The following TLN2 variants were observed in gnomAD, a reference collection of about 807,000 sequenced individuals.
TLN2 encodes the protein talin 2, also known as talin-2.
Under a neutral mutation model 294.7 loss-of-function variants are expected in TLN2, and 118 were observed. The observed-to-expected ratio is 0.40, with a 90% CI of 0.34 to 0.47. The LOEUF (loss-of-function observed/expected upper bound fraction) is 0.47. TLN2 is among the 20% of genes least tolerant of loss of function. The pLI is 0.84. For synonymous variants in TLN2, 1,431 were observed against 1,304.5 expected, an observed-to-expected ratio of 1.10 and a Z score of -2.09; for missense variants, 3,083 against 3,282.2, an observed-to-expected ratio of 0.94 and a Z score of 1.48.
chr15:62,683,485 A>T (rs2141033235), intron 11 of TLN2, among the ~76,000 whole-genome samples: 1 of 135,868 alleles, frequency 7.4e-6, no homozygotes, highest in African/African-American at 2.8e-5. Flanking sequence ...CATTGGTAGA[A>T]TGCCTGCATT....
chr15:62,686,620 T>C (rs1596717901), intron 11 of TLN2, 21 bp from the exon 12 acceptor site: 5 of 1,603,358 alleles, frequency 3.1e-6, no homozygotes, highest in Non-Finnish European at 4.3e-6. Context: ...GAGCACTGAC[T>C]CTTGGTATCT....
At chr15:62,601,156 C>G (rs1376487141) in intron 2 of TLN2, among the ~76,000 whole-genome samples, 1 of 152,184 alleles carries the variant, frequency 6.6e-6, no homozygotes, top group Non-Finnish European at 1.5e-5. Context: ...ATTTTCCTTT[C>G]CAGTCTTGGG....
chr15:62,640,349 T>A (rs190376418), intron 3 of TLN2: 2 of 456,820 alleles, frequency 4.4e-6, no homozygotes, highest in Non-Finnish European at 8.8e-6. Context: ...GAGGTCACGG[T>A]GGAGAGTGAG....
At chr15:62,726,023 AC>A (rs1197213238) in intron 27 of TLN2, among the ~76,000 whole-genome samples, 1 of 152,192 alleles carries the variant, frequency 6.6e-6, no homozygotes, top group Non-Finnish European at 1.5e-5. Flanking sequence ...AAGTCACTTA[AC>A]TGAGGTCACC....
chr15:62,613,099 AATTT>A (rs2140829798), intron 2 of TLN2, among the ~76,000 whole-genome samples: 1 of 152,288 alleles, frequency 6.6e-6, no homozygotes, highest in African/African-American at 2.4e-5. Flanking sequence ...GACCATGGGT[AATTT>A]ATTTGTCCTC....
intron 11 of TLN2, among the ~76,000 whole-genome samples, chr15:62,675,756 G>A (rs1567324095): frequency 6.6e-6 from 1 of 152,096 alleles, no homozygotes; most frequent in Non-Finnish European, 1.5e-5. Flanking sequence ...GGGATTTTAC[G>A]GCCTTCAGAT....
At chr15:62,564,073 TACTG>T (rs1281360267) in intron 1 of TLN2, among the ~76,000 whole-genome samples, 2 of 152,186 alleles carry the variant, frequency 1.3e-5, no homozygotes, top group Non-Finnish European at 1.5e-5. Context: ...TTTAAAAACT[TACTG>T]GTGGTGTTTT....
At chr15:62,411,150 C>T (rs1050327896) in intron 1 of TLN2, among the ~76,000 whole-genome samples, 4 of 152,054 alleles carry the variant, frequency 2.6e-5, no homozygotes, top group Admixed American at 1.3e-4. Flanking sequence ...ATGTGTGGAC[C>T]GAGGCATTAA....
intron 32 of TLN2, among the ~76,000 whole-genome samples, chr15:62,744,109 G>A (rs2061481010): frequency 1.3e-5 from 2 of 152,176 alleles, no homozygotes; most frequent in Admixed American, 6.5e-5. Context: ...AAATCAGGAT[G>A]TCACTCAGCC....
chr15:62,828,028 C>A (rs1331835498), intron 54 of TLN2: 1 of 152,296 alleles, frequency 6.6e-6, no homozygotes, highest in African/African-American at 2.4e-5. Context: ...TTTCCTCTTC[C>A]AGGGGACATA....
At chr15:62,627,902 G>A (rs952084886) in intron 3 of TLN2, among the ~76,000 whole-genome samples, 10 of 151,992 alleles carry the variant, frequency 6.6e-5, no homozygotes, top group Non-Finnish European at 1.5e-4. Context: ...TCCTTTGCCT[G>A]TGTCATGTGC....
rs1567323006 is a variant in TLN2 at position 62,675,297 on chromosome 15, TG to T, written c.935del (p.Gly312AlafsTer7). ...AACTCGCACGGTCCCTCCGCACATA[TG>T]GCGTGTCCTTCTTCCTGGTGAAGGT... is the stretch of plus-strand genomic sequence containing the variant. ...VKLARSLRTY[G>X]VSFFLVKEKM... On this transcript the variant is annotated frameshift_variant, in exon 11 of 59. Transcript: ENST00000636159. LOFTEE classifies it high-confidence loss of function. 6.2e-7 allele frequency: 1 copy of T among 1,614,174 alleles called. No homozygotes were observed. The highest frequency in any genetic ancestry group is 8.5e-7 in the Non-Finnish European group (1 of 1,180,022).
chr15:62,656,965 C>T (rs1422867603), intron 8 of TLN2, among the ~76,000 whole-genome samples: 1 of 152,030 alleles, frequency 6.6e-6, no homozygotes, highest in East Asian at 1.9e-4. Flanking sequence ...AGTTTCCTGA[C>T]CCCTGAGTTA....
At chr15:62,731,903 A>G (rs968859536) in intron 28 of TLN2, among the ~76,000 whole-genome samples, 13 of 152,244 alleles carry the variant, frequency 8.5e-5, no homozygotes, top group African/African-American at 3.1e-4. Context: ...TAAAAACTGT[A>G]TACATTTATT....
intron 1 of TLN2, among the ~76,000 whole-genome samples, chr15:62,446,536 G>A (rs1330949428): frequency 6.6e-6 from 1 of 152,140 alleles, no homozygotes; most frequent in East Asian, 1.9e-4. Flanking sequence ...TAGTGAGTCA[G>A]ACGACTTGGG....
chr15:62,818,125 T>C (rs895517422), intron 52 of TLN2, among the ~76,000 whole-genome samples: 6 of 152,168 alleles, frequency 3.9e-5, no homozygotes, highest in Non-Finnish European at 5.9e-5. Context: ...TTGATCTTTG[T>C]GCCAGCCCTG....
At chr15:62,458,639 C>T (rs986339357) in intron 1 of TLN2, among the ~76,000 whole-genome samples, 1 of 147,480 alleles carries the variant, frequency 6.8e-6, no homozygotes, top group South Asian at 2.1e-4. Context: ...TGTCATGGTG[C>T]GCACCTATAG....
At chr15:62,802,650 A>G (rs1054221998) in intron 50 of TLN2, among the ~76,000 whole-genome samples, 3 of 152,202 alleles carry the variant, frequency 2.0e-5, no homozygotes, top group Non-Finnish European at 4.4e-5. Context: ...AGGAATCTCC[A>G]AACTCTTCTC....
At chr15:62,752,070 ACT>A (rs2061970767) in intron 34 of TLN2, among the ~76,000 whole-genome samples, 1 of 152,040 alleles carries the variant, frequency 6.6e-6, no homozygotes, top group Non-Finnish European at 1.5e-5. Flanking sequence ...GTGTATATTA[ACT>A]CTAACTGCTT....
Sources: gnomAD v4.1 joint callset for allele counts (sites outside exome capture counted in the v4.1 genomes callset) on GRCh38, gnomAD v4.1.1 for gene constraint, MANE v1.5 for transcripts, NCBI Gene and HGNC (gene_info 2026-07-23, HGNC 2026-07-21) for gene names.